CADM2: variants seen among roughly 807,000 people sequenced by gnomAD.
The protein encoded by CADM2 is immunoglobulin superfamily member 4D.
CADM2 carries 12 observed loss-of-function variants against 49.8 expected under a neutral mutation model. The observed-to-expected ratio is 0.24, with a 90% CI of 0.15 to 0.39. The LOEUF is 0.39. Among genes scored for constraint, CADM2 ranks in the 10% least tolerant of loss-of-function variants. CADM2 has a pLI of 1.00. For synonymous variants in CADM2, 214 were observed against 175.4 expected, an observed-to-expected ratio of 1.22 and a Z score of -1.74; for missense variants, 378 against 492.3, an observed-to-expected ratio of 0.77 and a Z score of 2.20.
rs148034496 is a variant in CADM2, at chr3:84,978,921, A to G, written c.61+19253A>G. ...CAACCCTATTTAAATCTTATTTCAG[A>G]GGAAGCATTGTGTAAATGGAAAGTA... On this transcript the variant is annotated intron_variant, in intron 1 of 9. Coordinates refer to ENST00000383699, the MANE Select transcript of CADM2 (RefSeq NM_001167675.2). Among the ~76,000 whole-genome samples the G allele has an allele frequency of 3.1e-4, 47 of 152,242 alleles. No homozygotes were observed. In the South Asian group the frequency reaches 5.2e-3, roughly 17 times the overall value.
At chr3:85,374,243 T>A (rs1249749821) in intron 1 of CADM2, among the ~76,000 whole-genome samples, 1 of 152,182 alleles carries the variant, frequency 6.6e-6, no homozygotes, top group African/African-American at 2.4e-5. Context: ...TGCTTAGGAA[T>A]TTATTCTGCC....
intron 2 of CADM2, among the ~76,000 whole-genome samples, chr3:85,792,890 C>G (rs1385202019): frequency 6.6e-6 from 1 of 152,078 alleles, no homozygotes; most frequent in African/African-American, 2.4e-5. Flanking sequence ...CATAGCCTAT[C>G]ACAGAGGTAA....
chr3:86,043,988 T>A lies in CADM2; in HGVS notation c.971-21617T>A, dbSNP rs144359093. ...CGGTTCCCTATTTAATAAATGGTGC[T>A]GGGAAAACTGGCTAGCCATATGTAG... On this transcript the variant is annotated intron_variant, in intron 8 of 9. Coordinates refer to ENST00000383699, the MANE Select transcript of CADM2 (RefSeq NM_001167675.2). 8.3e-3 allele frequency among the ~76,000 whole-genome samples: 1,259 copies of A among 150,984 alleles called. 18 individuals are homozygous for A. The highest frequency in any genetic ancestry group is 0.027 in the African/African-American group (1,109 of 40,350).
intron 8 of CADM2, among the ~76,000 whole-genome samples, chr3:85,980,721 CTG>C (rs1195841559): frequency 6.6e-6 from 1 of 151,488 alleles, no homozygotes; most frequent in African/African-American, 2.4e-5. Context: ...TTGTGATGCT[CTG>C]TAAGGTTTTT....
At chr3:85,401,619 T>G (rs999827104) in intron 1 of CADM2, among the ~76,000 whole-genome samples, 2 of 152,112 alleles carry the variant, frequency 1.3e-5, no homozygotes, top group African/African-American at 4.8e-5. Flanking sequence ...TTTTAAGAAC[T>G]TGCTAGTTTC....
At chr3:85,873,226 C>T (rs2108359543) in intron 3 of CADM2, among the ~76,000 whole-genome samples, 1 of 152,248 alleles carries the variant, frequency 6.6e-6, no homozygotes, top group Non-Finnish European at 1.5e-5. Flanking sequence ...AGGAGACATT[C>T]AAACCATAGC....
intron 2 of CADM2, among the ~76,000 whole-genome samples, chr3:85,795,576 G>A (rs955694370): frequency 2.6e-5 from 4 of 152,126 alleles, no homozygotes; most frequent in Non-Finnish European, 4.4e-5. Flanking sequence ...GAAGAACGAG[G>A]TATAGGTAAA....
chr3:85,210,039 A>C (rs1449959145), intron 1 of CADM2, among the ~76,000 whole-genome samples: 1 of 152,228 alleles, frequency 6.6e-6, no homozygotes, highest in African/African-American at 2.4e-5. Context: ...GAAACATCAG[A>C]TAAGAAAAGT....
At chr3:85,388,195 A>G (rs903748470) in intron 1 of CADM2, among the ~76,000 whole-genome samples, 1 of 152,248 alleles carries the variant, frequency 6.6e-6, no homozygotes, top group Non-Finnish European at 1.5e-5. Flanking sequence ...TGCCTGGCCA[A>G]TTTTATTTTT....
At chr3:85,815,575 A>T (rs1005790426) in intron 3 of CADM2, among the ~76,000 whole-genome samples, 5 of 152,160 alleles carry the variant, frequency 3.3e-5, no homozygotes, top group Non-Finnish European at 7.4e-5. Flanking sequence ...TCAATAAACT[A>T]TGTATTGATA....
At chr3:85,833,464 C>T (rs2074270841) in intron 3 of CADM2, among the ~76,000 whole-genome samples, 1 of 151,740 alleles carries the variant, frequency 6.6e-6, no homozygotes, top group Middle Eastern at 3.4e-3. Context: ...TGATCCAGGG[C>T]TCTTTTTGGT....
intron 8 of CADM2, among the ~76,000 whole-genome samples, chr3:86,017,960 C>T (rs1318323465): frequency 7.1e-6 from 1 of 140,156 alleles, no homozygotes; most frequent in Non-Finnish European, 1.5e-5. Flanking sequence ...ATGTGCCATG[C>T]TGGTGCGCTG....
chr3:85,125,249 A>T (rs538560457), intron 1 of CADM2, among the ~76,000 whole-genome samples: 29 of 152,328 alleles, frequency 1.9e-4, no homozygotes, highest in African/African-American at 7.0e-4. Flanking sequence ...AAATATATTA[A>T]TAAGGAAGTG....
At chr3:85,971,613 A>G (rs2108643183) in intron 8 of CADM2, among the ~76,000 whole-genome samples, 1 of 151,842 alleles carries the variant, frequency 6.6e-6, no homozygotes, top group Middle Eastern at 3.4e-3. Flanking sequence ...GGACCAAATC[A>G]TGTGATTTAC....
chr3:85,733,451 C>A (rs1296557726), intron 2 of CADM2, among the ~76,000 whole-genome samples: 1 of 152,142 alleles, frequency 6.6e-6, no homozygotes, highest in Admixed American at 6.5e-5. Context: ...TATCTCATTA[C>A]TTTCTGTTGC....
chr3:84,986,859 C>G lies in CADM2; in HGVS notation c.61+27191C>G, dbSNP rs939388394. Reference sequence around the variant, plus strand: ...CTGAGGTTGGGAGTTCAAGACCACCCTGACCAACATGGAGAAACCCCGTCT... The same window carrying G: ...CTGAGGTTGGGAGTTCAAGACCACCGTGACCAACATGGAGAAACCCCGTCT... On this transcript the variant is annotated intron_variant, in intron 1 of 9. Transcript: ENST00000383699. Among the ~76,000 whole-genome samples the G allele has an allele frequency of 8.7e-4, 132 of 151,852 alleles. No individual in the cohort carries two copies. In the Middle Eastern group the frequency reaches 0.017, roughly 20 times the overall value.
intron 1 of CADM2, among the ~76,000 whole-genome samples, chr3:85,041,941 T>C (rs1255972108): frequency 2.6e-5 from 4 of 152,210 alleles, no homozygotes; most frequent in African/African-American, 9.6e-5. Flanking sequence ...CTATTTGCTG[T>C]AATAGGCACC....
At chr3:85,986,920 A>C (rs906464184) in intron 8 of CADM2, among the ~76,000 whole-genome samples, 1 of 152,042 alleles carries the variant, frequency 6.6e-6, no homozygotes, top group Non-Finnish European at 1.5e-5. Context: ...TAAATATTTG[A>C]ATAGTTGCAA....
intron 1 of CADM2, among the ~76,000 whole-genome samples, chr3:85,401,447 A>T (rs147538200): frequency 0.011 from 1,716 of 152,182 alleles, 16 homozygotes; most frequent in Non-Finnish European, 0.018. Context: ...GGTGGGTGGG[A>T]GACCCATCCC....
Sources: gnomAD v4.1 joint callset for allele counts (sites outside exome capture counted in the v4.1 genomes callset) on GRCh38, gnomAD v4.1.1 for gene constraint, MANE v1.5 for transcripts, NCBI Gene and HGNC (gene_info 2026-07-23, HGNC 2026-07-21) for gene names.